CCSER2: variants seen among roughly 807,000 people sequenced by gnomAD.
CCSER2 encodes serine-rich coiled-coil domain-containing protein 2.
A neutral mutation model predicts 92.3 loss-of-function variants in CCSER2; 46 were observed. That is an observed-to-expected ratio of 0.50 (90% CI 0.39 to 0.64). CCSER2 has a LOEUF of 0.64. Ranked by LOEUF, CCSER2 falls within the 30% of genes least tolerant of loss-of-function variation. The pLI is 0.00. For synonymous variants in CCSER2, 433 were observed against 431.4 expected (o/e 1.00, Z -0.04); for missense variants, 1,244 against 1,238.9 (o/e 1.00, Z -0.06).
At chr10:84,433,948 G>A (rs748611146) in intron 5 of CCSER2, among the ~76,000 whole-genome samples, 1 of 152,110 alleles carries the variant, frequency 6.6e-6, no homozygotes, top group Non-Finnish European at 1.5e-5. Flanking sequence ...GCTATGATCG[G>A]CCACATAAGA....
intron 1 of CCSER2, among the ~76,000 whole-genome samples, chr10:84,334,901 C>T (rs1291466908): frequency 1.3e-5 from 2 of 152,076 alleles, no homozygotes; most frequent in Non-Finnish European, 1.5e-5. Context: ...TGTTTCTGTC[C>T]TTGATAAGGA....
intron 9 of CCSER2, among the ~76,000 whole-genome samples, chr10:84,478,664 G>A (rs1047169628): frequency 3.9e-5 from 6 of 152,144 alleles, no homozygotes; most frequent in African/African-American, 9.7e-5. Context: ...ACTAGAAGTG[G>A]GGAATTAGGG....
At chr10:84,476,440 T>C (rs996961271) in intron 8 of CCSER2, among the ~76,000 whole-genome samples, 1 of 121,490 alleles carries the variant, frequency 8.2e-6, no homozygotes, top group African/African-American at 3.3e-5. Flanking sequence ...TCTCTCTTTT[T>C]TTTTTTTTTT....
chr10:84,372,402 T>G lies in CCSER2; in HGVS notation c.1350T>G (p.Phe450Leu). 6.2e-7 allele frequency: 1 copy of G among 1,603,912 alleles called. No individual in the cohort carries two copies. Among genetic ancestry groups the G allele is most frequent in the South Asian group, 1.1e-5 (1 of 88,306 alleles). ...AAAATGGGCCACCACAGGATATGTT[T>G]GATTCCCCCAAGGAAAATGAAAAAG... ...KHENGPPQDMFDSPKENEKAF... is the reference protein window; with the variant it reads ...KHENGPPQDMLDSPKENEKAF... Residue 450 changes from phenylalanine (F) to leucine (L), a missense_variant, in exon 2 of 10, where the codon TTT becomes TTG. Phe to Leu is a conservative substitution (Grantham distance 22, BLOSUM62 0). Transcript: ENST00000372088.
intron 6 of CCSER2, among the ~76,000 whole-genome samples, chr10:84,457,181 T>C (rs1259863978): frequency 1.5e-5 from 2 of 131,222 alleles, no homozygotes; most frequent in African/African-American, 5.7e-5. Flanking sequence ...TTGCAGATAT[T>C]TTCTTCCAGT....
intron 6 of CCSER2, among the ~76,000 whole-genome samples, chr10:84,449,628 G>A (rs1021288269): frequency 7.2e-5 from 11 of 152,178 alleles, no homozygotes; most frequent in African/African-American, 2.7e-4. Context: ...GCCAAGGTGG[G>A]CAGATCACCT....
At chr10:84,393,295 T>G (rs1161273407) in intron 3 of CCSER2, among the ~76,000 whole-genome samples, 1 of 152,152 alleles carries the variant, frequency 6.6e-6, no homozygotes, top group Non-Finnish European at 1.5e-5. Context: ...TTCTGCATGG[T>G]TATATACTAC....
rs955804642 is a variant in CCSER2, at chr10:84,405,585, A to C, written c.1615-12186A>C. Among the ~76,000 whole-genome samples the C allele has an allele frequency of 2.6e-5, 4 of 152,352 alleles. No homozygotes were observed. The South Asian group carries it at 8.3e-4, about 32-fold the overall frequency. On this transcript the variant is annotated intron_variant, in intron 3 of 9. Transcript: ENST00000372088. Reference sequence around the variant, plus strand: ...GTCAAAAGACTTTTATCCAGAATGTATAAAGAACTCTTAAAAGTCAGCAAT... The same window carrying C: ...GTCAAAAGACTTTTATCCAGAATGTCTAAAGAACTCTTAAAAGTCAGCAAT...
chr10:84,367,488 C>T (rs554458776), intron 1 of CCSER2, among the ~76,000 whole-genome samples: 19 of 151,994 alleles, frequency 1.3e-4, no homozygotes, highest in African/African-American at 3.6e-4. Context: ...TTGATCTTCC[C>T]GCTTTAGCCT....
chr10:84,409,545 A>T (rs1172713294), intron 3 of CCSER2, among the ~76,000 whole-genome samples: 4 of 150,838 alleles, frequency 2.7e-5, no homozygotes, highest in Non-Finnish European at 5.9e-5. Context: ...AATTCTGTAC[A>T]TGCTGTTTTA....
At chr10:84,395,224 A>T (rs1223734118) in intron 3 of CCSER2, among the ~76,000 whole-genome samples, 2 of 82,282 alleles carry the variant, frequency 2.4e-5, no homozygotes, top group Non-Finnish European at 5.2e-5. Flanking sequence ...ACCCTGTCTT[A>T]AAAAAAAAAA....
At chr10:84,392,316 C>CAAAA (rs71473611) in intron 3 of CCSER2, among the ~76,000 whole-genome samples, 47 of 53,846 alleles carry the variant, frequency 8.7e-4, no homozygotes, top group Non-Finnish European at 9.9e-4. Context: ...TCTGAAGAAG[C>CAAAA]AAAAAAAAAA....
At chr10:84,477,009 A>G (rs974384711) in intron 8 of CCSER2, among the ~76,000 whole-genome samples, 2 of 152,200 alleles carry the variant, frequency 1.3e-5, no homozygotes, top group African/African-American at 4.8e-5. Flanking sequence ...GGTGGTATTC[A>G]ATGTCCAGCA....
chr10:84,372,832 T>C (rs1030121264), intron 2 of CCSER2, among the ~76,000 whole-genome samples: 4 of 152,150 alleles, frequency 2.6e-5, no homozygotes, highest in African/African-American at 9.7e-5. Flanking sequence ...ATTTCATTGC[T>C]ATTTGTTAAG....
chr10:84,451,855 C>T (rs545877235), intron 6 of CCSER2, among the ~76,000 whole-genome samples: 4 of 152,284 alleles, frequency 2.6e-5, no homozygotes, highest in East Asian at 1.9e-4. Flanking sequence ...ACCTCTAAAG[C>T]GCTTATTAAA....
At chr10:84,417,195 GT>G (rs1483638534) in intron 3 of CCSER2, among the ~76,000 whole-genome samples, 1 of 152,162 alleles carries the variant, frequency 6.6e-6, no homozygotes, top group African/African-American at 2.4e-5. Context: ...AGCTAGTAAG[GT>G]TGCAAATAAA....
At position 84,513,499 on chromosome 10, in the gene CCSER2, C is replaced by A. The variant is rs12569751; in HGVS notation, c.2376C>A (p.Thr792=). The A allele has an allele frequency of 6.2e-7, 1 of 1,613,956 alleles. No individual in the cohort carries two copies. Among genetic ancestry groups the A allele is most frequent in the Non-Finnish European group, 8.5e-7 (1 of 1,179,968 alleles). ...GCCTTCCCAGACCCACAGATCACAC[C>A]CAGGGAAAACTAATAAAGCCACAAC... is the stretch of plus-strand genomic sequence containing the variant. ...SSSLPRPTDH[T]QGKLIKPQRI... Residue 792 remains threonine, a synonymous_variant, in exon 10 of 10, where the codon ACC becomes ACA. Coordinates refer to ENST00000372088, the MANE Select transcript of CCSER2 (RefSeq NM_001284240.2).
intron 1 of CCSER2, among the ~76,000 whole-genome samples, chr10:84,346,620 A>C (rs1448621725): frequency 6.6e-6 from 1 of 151,966 alleles, no homozygotes; most frequent in Non-Finnish European, 1.5e-5. Context: ...ACATGAGAAG[A>C]GTAGATCCAG....
At chr10:84,446,567 C>T (rs533949862) in intron 6 of CCSER2, among the ~76,000 whole-genome samples, 1 of 152,126 alleles carries the variant, frequency 6.6e-6, no homozygotes, top group African/African-American at 2.4e-5. Context: ...TCCCTATCCC[C>T]ATATTTCTCT....
Sources: allele counts gnomAD v4.1 joint callset (sites outside exome capture counted in the v4.1 genomes callset), GRCh38; gene constraint gnomAD v4.1.1; transcripts MANE v1.5; gene names NCBI Gene and HGNC (gene_info 2026-07-23, HGNC 2026-07-21).